LCP2: variants seen among roughly 807,000 people sequenced by gnomAD.
LCP2 encodes 76 kDa tyrosine phosphoprotein.
Under a neutral mutation model 74.5 loss-of-function variants are expected in LCP2, and 29 were observed. That is an observed-to-expected ratio of 0.39 (90% CI 0.29 to 0.53). The LOEUF is 0.53. LCP2 is among the 20% of genes least tolerant of loss of function. The pLI, the probability that LCP2 is intolerant of heterozygous loss-of-function variation, is 0.72. For missense variants in LCP2, 604 were observed against 634.6 expected (o/e 0.95, Z 0.52); for synonymous variants, 228 against 229.5 (o/e 0.99, Z 0.06).
At chr5:170,262,333 G>A (rs558720090) in intron 13 of LCP2, among the ~76,000 whole-genome samples, 63 of 152,300 alleles carry the variant, frequency 4.1e-4, no homozygotes, top group African/African-American at 1.4e-3. Context: ...TGAAGGCTTT[G>A]CTATAACGAG....
intron 14 of LCP2, among the ~76,000 whole-genome samples, chr5:170,259,284 T>C (rs1005306357): frequency 5.3e-5 from 8 of 152,218 alleles, no homozygotes; most frequent in African/African-American, 1.9e-4. Context: ...TGAGGAAGCT[T>C]CCTTAGCTTG....
intron 3 of LCP2, among the ~76,000 whole-genome samples, chr5:170,281,470 C>T (rs1762102009): frequency 6.6e-6 from 1 of 152,162 alleles, no homozygotes; most frequent in South Asian, 2.1e-4. Flanking sequence ...TTAGTAGAAA[C>T]AGCGTTTCAC....
chr5:170,290,242 G>T (rs1034433980), intron 2 of LCP2, among the ~76,000 whole-genome samples: 1 of 152,142 alleles, frequency 6.6e-6, no homozygotes, highest in Non-Finnish European at 1.5e-5. Flanking sequence ...GAGAAGAGGG[G>T]TACAGAAAGA....
chr5:170,281,930 A>C (rs1762112938), intron 3 of LCP2, among the ~76,000 whole-genome samples: 1 of 152,184 alleles, frequency 6.6e-6, no homozygotes, highest in Admixed American at 6.5e-5. Context: ...CCCATCCTTT[A>C]ATGAACTTCA....
At chr5:170,269,689 G>A (rs975955823) in intron 7 of LCP2, among the ~76,000 whole-genome samples, 1 of 152,222 alleles carries the variant, frequency 6.6e-6, no homozygotes, top group African/African-American at 2.4e-5. Context: ...TCTGTATCAC[G>A]GTTTCACCAA....
chr5:170,270,892 T>A lies in LCP2; in HGVS notation c.350A>T (p.Asn117Ile). The change falls in exon 7 of 21, where the codon AAT becomes ATT. Residue 117 changes from asparagine to isoleucine, a missense_variant. Physicochemically the swap from Asn to Ile is moderately radical, Grantham distance 149. Transcript: ENST00000046794. Reference protein sequence around the residue: ...SFEEDDYESPNDDQDGEDDGD... With the variant: ...SFEEDDYESPIDDQDGEDDGD... Reference sequence around the variant, plus strand: ...ATCATCCTCCCCATCCTGGTCATCATTGGGACTTTCATAATCGTCTTCTTC... The same window carrying A: ...ATCATCCTCCCCATCCTGGTCATCAATGGGACTTTCATAATCGTCTTCTTC... The A allele has an allele frequency of 6.2e-7, 1 of 1,612,630 alleles. No individual in the cohort carries two copies. Among genetic ancestry groups the A allele is most frequent in the Non-Finnish European group, 8.5e-7 (1 of 1,179,302 alleles).
intron 6 of LCP2, 69 bp from the exon 7 acceptor site, chr5:170,270,986 C>T: frequency 7.4e-7 from 1 of 1,353,572 alleles, no homozygotes; most frequent in Non-Finnish European, 1.0e-6. Flanking sequence ...CCTGTGCCTA[C>T]TCTCTCCCTG....
chr5:170,262,505 G>T, intron 13 of LCP2, 130 bp downstream of exon 13: 1 of 644,020 alleles, frequency 1.6e-6, no homozygotes, highest in Non-Finnish European at 2.7e-6. Flanking sequence ...CATCCCTCAA[G>T]CCACAGCAAG....
At chr5:170,284,995 C>T (rs1258209722) in intron 3 of LCP2, among the ~76,000 whole-genome samples, 1 of 152,178 alleles carries the variant, frequency 6.6e-6, no homozygotes, top group Non-Finnish European at 1.5e-5. Flanking sequence ...AGGTGATCCA[C>T]CCACCTCAGC....
chr5:170,282,984 A>T (rs1253147090), intron 3 of LCP2, among the ~76,000 whole-genome samples: 1 of 152,214 alleles, frequency 6.6e-6, no homozygotes, highest in Non-Finnish European at 1.5e-5. Context: ...TGGTCTAGGG[A>T]TGTGTCCCAG....
chr5:170,262,695 G>C lies in LCP2; in HGVS notation c.866C>G (p.Pro289Arg). ...LPKIQKPPLP[P>R]TTERHERSSP... ...GCTCCTTTCATGTCTTTCCGTGGTC[G>C]GTGGTAAAGGAGGCTTTTGAATCTT... is the stretch of plus-strand genomic sequence containing the variant. Residue 289 changes from proline to arginine, a missense_variant, in exon 13 of 21, where the codon CCG becomes CGG. By Grantham distance (103) the Pro-to-Arg change is moderately radical. Transcript: ENST00000046794. 6.2e-7 allele frequency: 1 copy of C among 1,614,002 alleles called. No individual in the cohort carries two copies. Among genetic ancestry groups the C allele is most frequent in the East Asian group, 2.2e-5 (1 of 44,880 alleles).
chr5:170,265,619 A>G (rs75873726), intron 10 of LCP2, among the ~76,000 whole-genome samples: 1,808 of 152,250 alleles, frequency 0.012, 42 homozygotes, highest in African/African-American at 0.041. Flanking sequence ...ACAGCTCTCT[A>G]CAGCAGACAA....
At position 170,266,891 on chromosome 5, in the gene LCP2, A is replaced by T; in HGVS notation, c.689T>A (p.Leu230His). ...GCTTCTGTCTATTGAAGGAGCAGGG[A>T]CTGGAAGGGGAAAAGGCTGACATCA... Reference protein sequence around the residue: ...SRSRNHKTAKLPAPSIDRSTK... With the variant: ...SRSRNHKTAKHPAPSIDRSTK... The change falls in exon 10 of 21, where the codon CTC (leucine) becomes CAC (histidine). Residue 230 changes from leucine to histidine, a missense_variant and splice_region_variant. Transcript: ENST00000046794. The T allele has an allele frequency of 6.2e-7, 1 of 1,613,804 alleles. No individual in the cohort carries two copies. The highest frequency in any genetic ancestry group is 1.3e-5 in the African/African-American group (1 of 75,016).
chr5:170,248,889 T>G, intron 20 of LCP2, 70 bp from the exon 21 acceptor site: 1 of 1,493,434 alleles, frequency 6.7e-7, no homozygotes, highest in Non-Finnish European at 9.3e-7. Flanking sequence ...TTCAGTTTTT[T>G]TATCTGCATA....
At chr5:170,295,549 T>G (rs1762360710) in intron 1 of LCP2, among the ~76,000 whole-genome samples, 1 of 152,214 alleles carries the variant, frequency 6.6e-6, no homozygotes, top group Admixed American at 6.5e-5. Flanking sequence ...GGGTAAAGTG[T>G]GTCCGACCTC....
At chr5:170,262,934 C>T (rs1195530952) in intron 11 of LCP2, 33 bp downstream of exon 11, 9 of 1,613,876 alleles carry the variant, frequency 5.6e-6, no homozygotes, top group South Asian at 1.1e-5. Context: ...GTGAAACAAA[C>T]AAACACAACC....
At chr5:170,274,790 C>T (rs555823624) in intron 5 of LCP2, among the ~76,000 whole-genome samples, 169 of 152,208 alleles carry the variant, frequency 1.1e-3, no homozygotes, top group African/African-American at 4.0e-3. Context: ...TCCTGGCTGA[C>T]ATGGTGAAAC....
intron 8 of LCP2, among the ~76,000 whole-genome samples, chr5:170,268,005 C>T (rs1166378405): frequency 1.3e-5 from 2 of 152,104 alleles, no homozygotes; most frequent in South Asian, 2.1e-4. Context: ...CTGTCTCCTC[C>T]GGTCTGAAGG....
chr5:170,281,705 C>G (rs1255064454), intron 3 of LCP2, among the ~76,000 whole-genome samples: 1 of 152,196 alleles, frequency 6.6e-6, no homozygotes, highest in African/African-American at 2.4e-5. Flanking sequence ...TGCCATTAGA[C>G]TCACAGCCTT....
Sources: gnomAD v4.1 joint callset for allele counts (sites outside exome capture counted in the v4.1 genomes callset) on GRCh38, gnomAD v4.1.1 for gene constraint, MANE v1.5 for transcripts, NCBI Gene and HGNC (gene_info 2026-07-23, HGNC 2026-07-21) for gene names.